The following KLF13 variants were observed in gnomAD, a reference collection of about 807,000 sequenced individuals.
The protein encoded by KLF13 is KLF transcription factor 13.
In KLF13, 8 loss-of-function variants were observed where a neutral mutation model predicts 16.7. The observed-to-expected ratio is 0.48, with a 90% CI of 0.28 to 0.87. The LOEUF (loss-of-function observed/expected upper bound fraction) is 0.87. KLF13 is among the 40% of genes least tolerant of loss of function. The pLI is 0.10. For synonymous variants in KLF13, 245 were observed against 208.4 expected (o/e 1.18, Z -1.51); for missense variants, 447 against 452.2 (o/e 0.99, Z 0.10).
downstream of KLF13, among the ~76,000 whole-genome samples, chr15:31,378,526 G>T (rs2039684645): frequency 6.6e-6 from 1 of 152,148 alleles, no homozygotes; most frequent in Admixed American, 6.5e-5. Flanking sequence ...CTCATCGGAG[G>T]CAGTGGGAAG....
chr15:31,365,022 A>G (rs534411514), intron 1 of KLF13, among the ~76,000 whole-genome samples: 3 of 152,326 alleles, frequency 2.0e-5, no homozygotes, highest in Admixed American at 1.3e-4. Flanking sequence ...GACCTGCTCC[A>G]GAACAGGAGG....
chr15:31,385,745 T>C (rs1356728965), intron 1 of KLF13, among the ~76,000 whole-genome samples: 1 of 152,196 alleles, frequency 6.6e-6, no homozygotes, highest in Admixed American at 6.5e-5. Context: ...CCCTATTCCC[T>C]AAGACACAAT....
At position 31,372,506 on chromosome 15, in the gene KLF13, C is replaced by A. The variant is rs1021882976; in HGVS notation, c.*207C>A. 2 of 570,520 alleles carry A rather than the reference C, an allele frequency of 3.5e-6. No homozygotes were observed. The highest frequency in any genetic ancestry group is 5.9e-6 in the Non-Finnish European group (2 of 340,214). The allele number at this position is 570,520 out of a possible 1,614,324, so 35.3% of individuals were successfully genotyped here. A position where few individuals can be genotyped will look rare whatever the true frequency, so the allele number is the denominator to read the frequency against. ...CACCCACCAAATTGCACAATAGATA[C>A]ACCCACAAAGTTGAGATTCAGCGTT... On this transcript the variant is annotated 3_prime_UTR_variant, in exon 2 of 2. Coordinates refer to ENST00000307145, the MANE Select transcript of KLF13 (RefSeq NM_015995.4).
At chr15:31,433,677 G>A (rs2040498043) in intron 1 of KLF13, among the ~76,000 whole-genome samples, 1 of 151,794 alleles carries the variant, frequency 6.6e-6, no homozygotes, top group African/African-American at 2.4e-5. Context: ...GGGCCCCAGG[G>A]AATGTCATCT....
At chr15:31,357,689 C>T (rs1294829654) in intron 1 of KLF13, among the ~76,000 whole-genome samples, 1 of 152,082 alleles carries the variant, frequency 6.6e-6, no homozygotes, top group African/African-American at 2.4e-5. Flanking sequence ...TAGACCCTCC[C>T]AGAAAGTCAG....
intron 1 of KLF13, among the ~76,000 whole-genome samples, chr15:31,368,935 C>T (rs969001739): frequency 6.6e-6 from 1 of 152,184 alleles, no homozygotes; most frequent in Non-Finnish European, 1.5e-5. Flanking sequence ...GACAGCAACA[C>T]TTCTTTTCTG....
At chr15:31,332,087 T>C (rs1027300359) in intron 1 of KLF13, among the ~76,000 whole-genome samples, 30 of 152,204 alleles carry the variant, frequency 2.0e-4, no homozygotes, top group African/African-American at 7.2e-4. Flanking sequence ...AGTTGTGTAG[T>C]AGTGGACTCT....
At chr15:31,414,788 G>A (rs896461528) in intron 1 of KLF13, among the ~76,000 whole-genome samples, 5 of 152,206 alleles carry the variant, frequency 3.3e-5, no homozygotes, top group African/African-American at 9.6e-5. Flanking sequence ...AGAATGATTA[G>A]ACAGAAGATC....
At chr15:31,339,441 C>T (rs919334527) in intron 1 of KLF13, among the ~76,000 whole-genome samples, 1 of 152,110 alleles carries the variant, frequency 6.6e-6, no homozygotes, top group African/African-American at 2.4e-5. Flanking sequence ...CCCCCACTGC[C>T]GACAGCTGGC....
intron 1 of KLF13, among the ~76,000 whole-genome samples, chr15:31,341,154 G>T (rs925223202): frequency 6.6e-6 from 1 of 152,222 alleles, no homozygotes; most frequent in Admixed American, 6.5e-5. Context: ...AGGCCTTCTT[G>T]TCTGTTGGTT....
chr15:31,396,297 A>G (rs750122714), intron 2 of KLF13, among the ~76,000 whole-genome samples: 14 of 152,176 alleles, frequency 9.2e-5, no homozygotes, highest in Non-Finnish European at 2.1e-4. Flanking sequence ...TGCTGGGATT[A>G]CAGGCATGAG....
At chr15:31,365,312 T>G (rs2039448398) in intron 1 of KLF13, among the ~76,000 whole-genome samples, 1 of 152,186 alleles carries the variant, frequency 6.6e-6, no homozygotes, top group African/African-American at 2.4e-5. Flanking sequence ...TCCAGAGGTC[T>G]GTTGTATCCA....
chr15:31,421,126 C>G (rs189099581), intron 1 of KLF13, among the ~76,000 whole-genome samples: 1 of 151,866 alleles, frequency 6.6e-6, no homozygotes, highest in East Asian at 1.9e-4. Flanking sequence ...AATTAAGCCT[C>G]GGTTGAGCCA....
At chr15:31,404,679 G>C (rs941854163) in exon 3 of KLF13, 7 of 152,262 alleles carry the variant, frequency 4.6e-5, no homozygotes, top group African/African-American at 1.2e-4. Context: ...CCCCATCCCT[G>C]TTGTGGTGTA....
chr15:31,369,191 A>C (rs531662939), intron 1 of KLF13, among the ~76,000 whole-genome samples: 28 of 152,350 alleles, frequency 1.8e-4, no homozygotes, highest in African/African-American at 6.0e-4. Context: ...CACTGTGTGC[A>C]TTCCAACTTT....
downstream of KLF13, among the ~76,000 whole-genome samples, chr15:31,380,095 C>G (rs564104337): frequency 6.6e-6 from 1 of 152,220 alleles, no homozygotes; most frequent in Admixed American, 6.5e-5. Context: ...GTCAGGATTT[C>G]GAGTTCAAGA....
Position 31,413,199 on chromosome 15 carries a change from A to C in KLF13, n.117+19508A>C, listed in dbSNP as rs527339547. On this transcript the variant is annotated intron_variant and non_coding_transcript_variant, in intron 1 of 1. Transcript: ENST00000558225. ...GAAAATGAATAGACAAAAAAAAAAA[A>C]AAACAAAAAACAAAAAAACCAGCCT... is the stretch of plus-strand genomic sequence containing the variant. Among the ~76,000 whole-genome samples, 173 of 149,578 alleles carry C rather than the reference A, an allele frequency of 1.2e-3. 6 individuals carry two copies. Among genetic ancestry groups the C allele is most frequent in the Non-Finnish European group, 1.9e-3 (127 of 67,206 alleles).
At chr15:31,390,972 C>G (rs2039856446), upstream of KLF13, among the ~76,000 whole-genome samples, 1 of 151,108 alleles carries the variant, frequency 6.6e-6, no homozygotes, top group African/African-American at 2.4e-5. Context: ...TCATGGCACT[C>G]TTGGCCATGG....
chr15:31,419,897 G>A (rs1017822387), intron 1 of KLF13, among the ~76,000 whole-genome samples: 1 of 152,094 alleles, frequency 6.6e-6, no homozygotes, highest in Admixed American at 6.6e-5. Flanking sequence ...ACAGTTTGAT[G>A]TATCAGAAGT....
Sources: gnomAD v4.1 joint callset for allele counts (sites outside exome capture counted in the v4.1 genomes callset) on GRCh38, gnomAD v4.1.1 for gene constraint, MANE v1.5 for transcripts, NCBI Gene and HGNC (gene_info 2026-07-23, HGNC 2026-07-21) for gene names.